The following MAGEA4 variants were observed in gnomAD, a reference collection of about 807,000 sequenced individuals.
The protein encoded by MAGEA4 is MAGE family member A4.
A neutral mutation model predicts 13.7 loss-of-function variants in MAGEA4; 1 was observed. The ratio of observed to expected loss-of-function variants is 0.07; its 90% CI spans 0.03 to 0.35. The LOEUF (loss-of-function observed/expected upper bound fraction) is 0.35. MAGEA4 is among the 10% of genes least tolerant of loss of function. The pLI is 0.99. For missense variants in MAGEA4, 312 were observed against 245.1 expected (o/e 1.27, Z -1.82); for synonymous variants, 132 against 101.1 (o/e 1.31, Z -1.83).
At position 151,924,980 on chromosome X, in the gene MAGEA4, C is replaced by T. The variant is rs1451493443; in HGVS notation, c.*362C>T. On this transcript the variant is annotated 3_prime_UTR_variant, in exon 3 of 3. Coordinates refer to ENST00000276344, the MANE Select transcript of MAGEA4 (RefSeq NM_001011548.1). ...ATTTTGTGAATTTGGGACATAATAA[C>T]AGCAGTGGAGTAAGTATTTAGAAGT... The T allele has an allele frequency of 6.2e-6, 1 of 162,033 alleles. No individual in the cohort carries two copies. 13.4% of individuals were successfully genotyped at this position (162,033 alleles called of 1,213,427 possible).
chrX:151,913,779 T>A, intron 1 of MAGEA4: 2 of 202,489 alleles, frequency 9.9e-6, no homozygotes, highest in Non-Finnish European at 1.5e-5. Flanking sequence ...AGTGTAAGAC[T>A]AGTGAGGGCA....
Position 151,923,505 on chromosome X carries a change from G to A in MAGEA4, c.-85G>A. 1 of 1,203,332 alleles carries A rather than the reference G, an allele frequency of 8.3e-7. No individual in the cohort carries two copies. The highest frequency in any genetic ancestry group is 1.7e-5 in the African/African-American group (1 of 57,738). On this transcript the variant is annotated 5_prime_UTR_variant, in exon 2 of 3. Transcript: ENST00000276344. ...ACAGGATTCCCTGGAGGCCACAGAG[G>A]AGCACCAAGGAGAAGATCTGTAAGT... is the stretch of plus-strand genomic sequence containing the variant.
Position 151,923,526 on chromosome X carries a change from T to C in MAGEA4, c.-66+2T>C, listed in dbSNP as rs751226776. 4 of 1,207,606 alleles carry C rather than the reference T, an allele frequency of 3.3e-6. No individual in the cohort carries two copies. The highest frequency in any genetic ancestry group is 3.5e-5 in the South Asian group (2 of 56,466). ...AGAGGAGCACCAAGGAGAAGATCTG[T>C]AAGTAAGCCTTTGTTAGAGCCTCTA... On this transcript the variant is annotated splice_donor_variant, in intron 2 of 2. Coordinates refer to ENST00000276344, the MANE Select transcript of MAGEA4 (RefSeq NM_001011548.1). LOFTEE classifies it low-confidence loss of function (5UTR_SPLICE).
At chrX:151,921,984 AG>A (rs761828703) in intron 1 of MAGEA4, among the ~76,000 whole-genome samples, 210 of 111,874 alleles carry the variant, frequency 1.9e-3, no homozygotes, top group African/African-American at 6.7e-3. Context: ...GGGAGGATTC[AG>A]GGGGCCTTGC....
At chrX:151,919,119 C>G (rs1186857179) in intron 1 of MAGEA4, 2 of 714,216 alleles carry the variant, frequency 2.8e-6, no homozygotes, top group African/African-American at 4.9e-5. Flanking sequence ...CTGCTACCAG[C>G]CGTGGGCCAC....
At chrX:151,912,701 C>T (rs1932959150), upstream of MAGEA4, 2 of 202,953 alleles carry the variant, frequency 9.9e-6, no homozygotes, top group African/African-American at 3.9e-5. Context: ...CTCCCCAACC[C>T]CGTGCCACCC....
At chrX:151,922,563 C>T (rs1291004056) in intron 1 of MAGEA4, among the ~76,000 whole-genome samples, 1 of 111,483 alleles carries the variant, frequency 9.0e-6, no homozygotes, top group Admixed American at 9.4e-5. Context: ...CAGAGGGTGA[C>T]TCAGGTCACC....
chrX:151,917,888 G>A (rs1355583789), intron 1 of MAGEA4, among the ~76,000 whole-genome samples: 10 of 97,972 alleles, frequency 1.0e-4, no homozygotes, highest in South Asian at 1.1e-3. Context: ...AGGCTCTGCC[G>A]GGCATCAATC....
chrX:151,917,946 C>T (rs1933141606), intron 1 of MAGEA4, among the ~76,000 whole-genome samples: 1 of 89,552 alleles, frequency 1.1e-5, no homozygotes, highest in Admixed American at 1.2e-4. Context: ...TATTCCCATC[C>T]CCCACCACGT....
chrX:151,922,126 G>A (rs755861063), intron 1 of MAGEA4, among the ~76,000 whole-genome samples: 290 of 111,134 alleles, frequency 2.6e-3, no homozygotes, highest in African/African-American at 8.0e-3. Context: ...CTTCAGGTCC[G>A]CAGAGGGAGG....
chrX:151,920,283 C>G (rs1421740539), intron 1 of MAGEA4, among the ~76,000 whole-genome samples: 3 of 110,106 alleles, frequency 2.7e-5, no homozygotes, highest in African/African-American at 1.0e-4. Context: ...TGTGAGGTGG[C>G]ATAGTGAGAA....
At chrX:151,918,582 C>G (rs1455857252) in intron 1 of MAGEA4, among the ~76,000 whole-genome samples, 2 of 45,196 alleles carry the variant, frequency 4.4e-5, no homozygotes, top group East Asian at 5.1e-4. Flanking sequence ...TCTCAGGACC[C>G]TAAGAGAGGG....
At chrX:151,923,224 C>A (rs990993499) in intron 1 of MAGEA4, among the ~76,000 whole-genome samples, 5 of 111,713 alleles carry the variant, frequency 4.5e-5, no homozygotes, top group Admixed American at 9.4e-5. Flanking sequence ...GCTCCAGGAA[C>A]AAGGCAGTGA....
chrX:151,923,783 TCTC>T lies in MAGEA4; in HGVS notation c.129_131del (p.Ser44del), dbSNP rs372640194. The T allele has an allele frequency of 4.3e-3, 5,142 of 1,206,285 alleles. 125 individuals carry two copies. In the African/African-American group the frequency reaches 0.081, roughly 19 times the overall value. ...ACTACTGAGGAGCAGGAGGCTGCTG[TCTC>T]CTCCTCCTCTCCTCTGGTCCCTGGC... On this transcript the variant is annotated inframe_deletion, in exon 3 of 3. Transcript: ENST00000276344.
At position 151,913,220 on chromosome X, in the gene MAGEA4, G is replaced by C. The variant is rs756809519; in HGVS notation, c.-138+251G>C. On this transcript the variant is annotated intron_variant, in intron 1 of 2. Coordinates refer to ENST00000276344, the MANE Select transcript of MAGEA4 (RefSeq NM_001011548.1). ...TCAGGACCCTAAAAGCCAGCTGAGC[G>C]TACCACACCGCTATTCCCATCCCGC... 6.4e-5 allele frequency among the ~76,000 whole-genome samples: 7 copies of C among 109,691 alleles called. No homozygotes were observed. In the Admixed American group the frequency reaches 6.7e-4, roughly 11 times the overall value.
rs1055615416 is a variant in MAGEA4, at chrX:151,924,889, A to G, written c.*271A>G. Reference sequence around the variant, plus strand: ...CAAGTTTATGAATCGTAGTTAACGTATATTGCTGTTAATATAGTTTAGGAG... The same window carrying G: ...CAAGTTTATGAATCGTAGTTAACGTGTATTGCTGTTAATATAGTTTAGGAG... On this transcript the variant is annotated 3_prime_UTR_variant, in exon 3 of 3. Coordinates refer to ENST00000276344, the MANE Select transcript of MAGEA4 (RefSeq NM_001011548.1). 2.2e-4 allele frequency: 64 copies of G among 296,602 alleles called. No individual in the cohort carries two copies. The highest frequency in any genetic ancestry group is 3.3e-4 in the Non-Finnish European group (55 of 164,843). The allele number at this position is 296,602 out of a possible 1,213,427, so 24.4% of individuals were successfully genotyped here. A position where few individuals can be genotyped will look rare whatever the true frequency, so the allele number is the denominator to read the frequency against.
chrX:151,920,739 G>A (rs1422026706), intron 1 of MAGEA4, among the ~76,000 whole-genome samples: 2 of 105,799 alleles, frequency 1.9e-5, no homozygotes, highest in East Asian at 3.0e-4. Flanking sequence ...CTGGGTGGCC[G>A]GATGTGATGC....
intron 1 of MAGEA4, chrX:151,917,722 T>C (rs1401575934): frequency 3.0e-6 from 1 of 329,053 alleles, no homozygotes; most frequent in Admixed American, 1.1e-4. Flanking sequence ...CCACCCCAGA[T>C]AGAAGACCCC....
chrX:151,923,560 T>G, intron 2 of MAGEA4, 36 bp downstream of exon 2: 1 of 1,208,965 alleles, frequency 8.3e-7, no homozygotes, highest in Non-Finnish European at 1.1e-6. Context: ...TAAGATTTGG[T>G]TCTCAGCTGA....
Sources: gnomAD v4.1 joint callset for allele counts (sites outside exome capture counted in the v4.1 genomes callset) on GRCh38, gnomAD v4.1.1 for gene constraint, MANE v1.5 for transcripts, NCBI Gene and HGNC (gene_info 2026-07-23, HGNC 2026-07-21) for gene names.